GLIS3: variants seen among roughly 807,000 people sequenced by gnomAD.
The protein encoded by GLIS3 is GLIS family zinc finger 3, also known as zinc finger protein GLIS3.
Under a neutral mutation model 78.6 loss-of-function variants are expected in GLIS3, and 53 were observed. The observed-to-expected ratio is 0.67, with a 90% CI of 0.54 to 0.85. The LOEUF is 0.85. Among genes scored for constraint, GLIS3 ranks in the 40% least tolerant of loss-of-function variants. The probability of loss-of-function intolerance (pLI) is 0.00; values close to 1 mark genes in which losing one functional copy is unlikely to be tolerated. For missense variants in GLIS3, 1,703 were observed against 1,231.1 expected (o/e 1.38, Z -5.74); for synonymous variants, 684 against 509.9 (o/e 1.34, Z -4.60).
chr9:4,015,568 C>G (rs1018585463), intron 4 of GLIS3, among the ~76,000 whole-genome samples: 1 of 152,114 alleles, frequency 6.6e-6, no homozygotes, highest in Admixed American at 6.5e-5. Context: ...TCTATCTTGT[C>G]TACAAAAGAA....
intron 2 of GLIS3, among the ~76,000 whole-genome samples, chr9:4,196,884 G>A (rs1199685683): frequency 6.6e-6 from 1 of 152,164 alleles, no homozygotes; most frequent in Non-Finnish European, 1.5e-5. Flanking sequence ...TGTCCTTGCT[G>A]AGTGCCCCAG....
chr9:4,235,846 A>G (rs1407530316), intron 2 of GLIS3, among the ~76,000 whole-genome samples: 2 of 152,162 alleles, frequency 1.3e-5, no homozygotes, highest in African/African-American at 4.8e-5. Context: ...AAAGAAAGAA[A>G]CACAGGACTG....
intron 2 of GLIS3, among the ~76,000 whole-genome samples, chr9:4,313,264 T>C (rs936259053): frequency 1.3e-5 from 2 of 152,190 alleles, no homozygotes; most frequent in African/African-American, 4.8e-5. Flanking sequence ...CTCTGGCAAG[T>C]GTGTCTGCCT....
Position 3,886,487 on chromosome 9 carries a change from A to G in GLIS3, c.2129-6892T>C, listed in dbSNP as rs555420622. Among the ~76,000 whole-genome samples, 11 of 152,294 alleles carry G rather than the reference A, an allele frequency of 7.2e-5. No homozygotes were observed. The South Asian group carries it at 2.3e-3, about 32-fold the overall frequency. ...GGGCTGTTACTAAAATGTCAACACA[A>G]TTGTCCCTCTTGAAGCTTAGTTTAT... On this transcript the variant is annotated intron_variant, in intron 7 of 10. Transcript: ENST00000381971.
At chr9:3,828,488 C>T (rs1817852990) in intron 10 of GLIS3, 80 bp from the exon 11 acceptor site, 2 of 1,574,272 alleles carry the variant, frequency 1.3e-6, no homozygotes, top group African/African-American at 1.3e-5. Flanking sequence ...AGTAATGCAG[C>T]TCACCAAGTG....
chr9:4,240,928 T>C (rs1382032668), intron 2 of GLIS3, among the ~76,000 whole-genome samples: 1 of 142,116 alleles, frequency 7.0e-6, no homozygotes, highest in African/African-American at 2.7e-5. Context: ...AAGAGAACTT[T>C]AGATACTCTT....
At chr9:4,229,853 AACTT>A (rs1167229885) in intron 2 of GLIS3, among the ~76,000 whole-genome samples, 11 of 152,240 alleles carry the variant, frequency 7.2e-5, no homozygotes, top group Non-Finnish European at 4.4e-5. Context: ...AATTTCTGTA[AACTT>A]ACTTATTTCT....
chr9:3,980,989 C>T (rs1169339466), intron 4 of GLIS3, among the ~76,000 whole-genome samples: 1 of 152,228 alleles, frequency 6.6e-6, no homozygotes, highest in Non-Finnish European at 1.5e-5. Flanking sequence ...CTACGCTGCT[C>T]TGCTGAACTG....
intron 4 of GLIS3, among the ~76,000 whole-genome samples, chr9:4,058,408 T>C (rs1219334873): frequency 2.0e-5 from 3 of 152,020 alleles, no homozygotes; most frequent in Non-Finnish European, 4.4e-5. Context: ...CTGATCTCTT[T>C]GACTTTCCAG....
chr9:3,956,180 T>C (rs1228792845), intron 4 of GLIS3, among the ~76,000 whole-genome samples: 1 of 151,918 alleles, frequency 6.6e-6, no homozygotes, highest in Non-Finnish European at 1.5e-5. Flanking sequence ...GTGTACCAGT[T>C]GAAAGAAAAA....
At chr9:4,229,084 A>G (rs755006958) in intron 2 of GLIS3, among the ~76,000 whole-genome samples, 3 of 152,186 alleles carry the variant, frequency 2.0e-5, no homozygotes, top group Non-Finnish European at 4.4e-5. Context: ...TGTAAAAAAC[A>G]AGGTTCATAA....
intron 2 of GLIS3, among the ~76,000 whole-genome samples, chr9:4,188,361 G>A (rs1818003677): frequency 6.7e-6 from 1 of 148,798 alleles, no homozygotes; most frequent in African/African-American, 2.5e-5. Context: ...TGATCATGGT[G>A]GATAAGCTTT....
At chr9:4,317,035 G>C (rs565411101) in intron 2 of GLIS3, among the ~76,000 whole-genome samples, 1 of 152,316 alleles carries the variant, frequency 6.6e-6, no homozygotes, top group Admixed American at 6.5e-5. Flanking sequence ...CCTTCAAGGA[G>C]ATTAATCTAG....
intron 2 of GLIS3, among the ~76,000 whole-genome samples, chr9:4,223,917 C>G (rs1055870200): frequency 6.6e-6 from 1 of 151,444 alleles, no homozygotes; most frequent in African/African-American, 2.4e-5. Flanking sequence ...GTTGTTCCTA[C>G]AGTGAAAACA....
chr9:4,368,383 C>T, the GLIS3 span, among the ~76,000 whole-genome samples: 1 of 148,222 alleles, frequency 6.7e-6, no homozygotes, highest in Non-Finnish European at 1.5e-5. Flanking sequence ...CTCGCTCTGT[C>T]ACCCAGGCTG....
rs368124809 is a variant in GLIS3, at chr9:4,311,592, A to G, written n.265-1064T>C. Among the ~76,000 whole-genome samples the G allele has an allele frequency of 2.0e-5, 3 of 151,066 alleles. No individual in the cohort carries two copies. In the South Asian group the frequency reaches 6.3e-4, roughly 32 times the overall value. ...CCCTCCCAAGCCAGAATAACTCCAC[A>G]CTCCCCAGCTCCTACCCCTACCCTG... On this transcript the variant is annotated intron_variant and non_coding_transcript_variant, in intron 2 of 4. Coordinates refer to the GLIS3 transcript ENST00000471664.
the GLIS3 span, among the ~76,000 whole-genome samples, chr9:4,440,848 G>C: frequency 6.6e-6 from 1 of 151,674 alleles, no homozygotes; most frequent in African/African-American, 2.4e-5. Flanking sequence ...CAGTTTTTTT[G>C]TAGTTTTCAT....
At chr9:3,889,264 C>A (rs10974056) in intron 7 of GLIS3, among the ~76,000 whole-genome samples, 20,800 of 152,150 alleles carry the variant, frequency 0.14, 1,678 homozygotes, top group Non-Finnish European at 0.18. Context: ...CAGGCTGCTT[C>A]TGCAGGTGTC....
chr9:3,836,341 C>T lies in GLIS3; in HGVS notation c.2474-6849G>A, dbSNP rs143625602. Among the ~76,000 whole-genome samples the T allele has an allele frequency of 9.2e-5, 14 of 152,314 alleles. No individual in the cohort carries two copies. In the East Asian group the frequency reaches 1.2e-3, roughly 13 times the overall value. On this transcript the variant is annotated intron_variant, in intron 9 of 10. Coordinates refer to ENST00000381971, the MANE Select transcript of GLIS3 (RefSeq NM_001042413.2). ...AGCTTTACAGCTCTAATTATTTTTC[C>T]GCAGAGACTATAATTTTGTGGGTTA...
Sources: allele counts gnomAD v4.1 joint callset (sites outside exome capture counted in the v4.1 genomes callset), GRCh38; gene constraint gnomAD v4.1.1; transcripts MANE v1.5; gene names NCBI Gene and HGNC (gene_info 2026-07-23, HGNC 2026-07-21).